The following OR1F1 variants were observed in gnomAD, a reference collection of about 807,000 sequenced individuals.
OR1F1 encodes the protein olfactory receptor 1F1.
For synonymous variants in OR1F1, 184 were observed against 156.7 expected (o/e 1.17, Z -1.30); for missense variants, 493 against 376.3 (o/e 1.31, Z -2.57).
chr16:3,191,504 C>G, the OR1F1 span, among the ~76,000 whole-genome samples: 3 of 152,158 alleles, frequency 2.0e-5, no homozygotes, highest in African/African-American at 7.2e-5. Flanking sequence ...CAGGGAAGCC[C>G]GGCTAGCTCA....
the OR1F1 span, among the ~76,000 whole-genome samples, chr16:3,196,496 A>G: frequency 5.9e-5 from 9 of 151,500 alleles, no homozygotes; most frequent in South Asian, 1.9e-3. Context: ...ATATCTTCCC[A>G]CCTCAGCCTC....
At chr16:3,198,103 A>AGGAGAGGGAGAAGGAGAG in the OR1F1 span, among the ~76,000 whole-genome samples, 2 of 46,230 alleles carry the variant, frequency 4.3e-5, no homozygotes, top group East Asian at 6.9e-4. Flanking sequence ...GAGAGGGAGA[A>AGGAGAGGGAGAAGGAGAG]GGAGAGGGAG....
the OR1F1 span, among the ~76,000 whole-genome samples, chr16:3,196,487 T>C: frequency 6.6e-6 from 1 of 151,614 alleles, no homozygotes; most frequent in Non-Finnish European, 1.5e-5. Flanking sequence ...AGGCTGAGGA[T>C]ATCTTCCCAC....
At chr16:3,205,094 C>G in exon 1 of OR1F1, 1 of 1,614,018 alleles carries the variant, frequency 6.2e-7, no homozygotes, top group Non-Finnish European at 8.5e-7. Context: ...GTAGTGACTC[C>G]CATGCTAAAC....
chr16:3,195,166 G>A, the OR1F1 span, among the ~76,000 whole-genome samples: 1 of 152,150 alleles, frequency 6.6e-6, no homozygotes, highest in African/African-American at 2.4e-5. Context: ...CAGACCCTGC[G>A]CCTCCGGCGC....
downstream of OR1F1, among the ~76,000 whole-genome samples, chr16:3,206,412 CCT>C (rs1191974277): frequency 2.0e-5 from 3 of 152,086 alleles, no homozygotes; most frequent in East Asian, 5.8e-4. Context: ...TCCTTTTTGC[CCT>C]TTGACACCTG....
chr16:3,200,413 C>T (rs1958123595), upstream of OR1F1, among the ~76,000 whole-genome samples: 1 of 152,154 alleles, frequency 6.6e-6, no homozygotes, highest in Non-Finnish European at 1.5e-5. Context: ...TCGAGACCAG[C>T]CTGGCCAATA....
chr16:3,188,896 A>T, the OR1F1 span, among the ~76,000 whole-genome samples: 1 of 152,088 alleles, frequency 6.6e-6, no homozygotes, highest in East Asian at 1.9e-4. Flanking sequence ...AGCTCCCCCC[A>T]GTGAAGGGCA....
At chr16:3,196,181 A>G in the OR1F1 span, among the ~76,000 whole-genome samples, 1 of 152,206 alleles carries the variant, frequency 6.6e-6, no homozygotes, top group Non-Finnish European at 1.5e-5. Context: ...GTAGAGCACA[A>G]GACTCTTAAT....
the OR1F1 span, among the ~76,000 whole-genome samples, chr16:3,192,513 AGG>A: frequency 5.3e-5 from 8 of 152,244 alleles, no homozygotes; most frequent in African/African-American, 1.7e-4. Flanking sequence ...TGAGTGTCTG[AGG>A]TCCCGGAAGC....
the OR1F1 span, among the ~76,000 whole-genome samples, chr16:3,192,269 G>T: frequency 2.6e-3 from 392 of 150,624 alleles, no homozygotes; most frequent in African/African-American, 7.5e-3. Flanking sequence ...TGTTAGCCAG[G>T]ATGGTCTTGA....
chr16:3,191,214 G>T, the OR1F1 span: 1 of 152,192 alleles, frequency 6.6e-6, no homozygotes, highest in Non-Finnish European at 1.5e-5. Flanking sequence ...TGCAGTGTGG[G>T]TATGTTTTTT....
the OR1F1 span, among the ~76,000 whole-genome samples, chr16:3,192,026 G>A: frequency 2.2e-3 from 328 of 152,156 alleles, no homozygotes; most frequent in African/African-American, 7.4e-3. Context: ...CGCTTAGGAT[G>A]CGAGAGGTCC....
At chr16:3,189,827 T>C in the OR1F1 span, 4 of 152,172 alleles carry the variant, frequency 2.6e-5, no homozygotes, top group African/African-American at 9.7e-5. Flanking sequence ...TCAAGCTATG[T>C]TGACGCCGCC....
the OR1F1 span, among the ~76,000 whole-genome samples, chr16:3,193,088 G>C: frequency 6.6e-6 from 1 of 152,032 alleles, no homozygotes; most frequent in African/African-American, 2.4e-5. Context: ...CACCACACCC[G>C]GCTAATTTTT....
At chr16:3,197,602 GCC>G in the OR1F1 span, among the ~76,000 whole-genome samples, 4 of 2,116 alleles carry the variant, frequency 1.9e-3, no homozygotes, top group Middle Eastern at 0.062. Flanking sequence ...GGGCTCCAGA[GCC>G]ACCTGCTGCT....
the OR1F1 span, among the ~76,000 whole-genome samples, chr16:3,194,545 T>C: frequency 3.9e-5 from 6 of 152,262 alleles, no homozygotes; most frequent in African/African-American, 1.4e-4. Context: ...ACGGGAGAGA[T>C]GTATGACACT....
upstream of OR1F1, among the ~76,000 whole-genome samples, chr16:3,202,660 AAATAATAATAATAAT>A (rs3064190): frequency 0.01 from 1,430 of 141,826 alleles, 23 homozygotes; most frequent in African/African-American, 0.025. Flanking sequence ...TTCCATCTCA[AAATAATAATAATAAT>A]AATAATAATA....
the OR1F1 span, among the ~76,000 whole-genome samples, chr16:3,193,949 C>T: frequency 8.5e-5 from 13 of 152,130 alleles, no homozygotes; most frequent in Admixed American, 3.3e-4. Context: ...AGGTACTGGC[C>T]TCCTAAGCCA....
Sources: gnomAD v4.1 joint callset for allele counts (sites outside exome capture counted in the v4.1 genomes callset) on GRCh38, gnomAD v4.1.1 for gene constraint, MANE v1.5 for transcripts, NCBI Gene and HGNC (gene_info 2026-07-23, HGNC 2026-07-21) for gene names.